ZNF280D: variants seen among roughly 807,000 people sequenced by gnomAD.
The protein encoded by ZNF280D is zinc finger protein 280D.
ZNF280D carries 39 observed loss-of-function variants against 94.7 expected under a neutral mutation model. The ratio of observed to expected loss-of-function variants is 0.41; its 90% CI spans 0.32 to 0.54. The LOEUF is 0.54. Ranked by LOEUF, ZNF280D falls within the 20% of genes least tolerant of loss-of-function variation. The probability of loss-of-function intolerance (pLI) is 0.22; values close to 1 mark genes in which losing one functional copy is unlikely to be tolerated. For missense variants in ZNF280D, 1,090 were observed against 1,149.3 expected, an observed-to-expected ratio of 0.95 and a Z score of 0.75; for synonymous variants, 398 against 377.6, an observed-to-expected ratio of 1.05 and a Z score of -0.63.
chr15:56,642,213 T>C (rs775224151), intron 20 of ZNF280D, among the ~76,000 whole-genome samples: 10 of 151,838 alleles, frequency 6.6e-5, no homozygotes, highest in Non-Finnish European at 1.5e-4. Context: ...AAATTTGTAG[T>C]TGAAAAACTT....
At chr15:56,690,251 G>A (rs373341496) in intron 7 of ZNF280D, among the ~76,000 whole-genome samples, 6 of 151,946 alleles carry the variant, frequency 3.9e-5, no homozygotes, top group South Asian at 2.1e-4. Flanking sequence ...GCGTGGTGAC[G>A]GGCACCTGTA....
chr15:56,650,768 T>C lies in ZNF280D; in HGVS notation c.2213+3430A>G, dbSNP rs572277851. Among the ~76,000 whole-genome samples the C allele has an allele frequency of 5.9e-5, 9 of 152,286 alleles. No homozygotes were observed. In the South Asian group the frequency reaches 1.7e-3, roughly 28 times the overall value. On this transcript the variant is annotated intron_variant, in intron 19 of 21. Transcript: ENST00000267807. ...TCAAACCTTTACTTCTATTTTGTTA[T>C]AATTCATCCATCCAGGTAGATATAC...
intron 16 of ZNF280D, among the ~76,000 whole-genome samples, chr15:56,664,959 AGC>A (rs2054188398): frequency 6.6e-6 from 1 of 152,174 alleles, no homozygotes; most frequent in Non-Finnish European, 1.5e-5. Flanking sequence ...AAGGAGTCAA[AGC>A]TCTGAACATC....
chr15:56,677,736 T>C (rs1241178660), intron 11 of ZNF280D, 62 bp from the exon 12 acceptor site: 2 of 591,528 alleles, frequency 3.4e-6, no homozygotes, highest in Non-Finnish European at 5.0e-6. Flanking sequence ...ATTAATTTTA[T>C]ACATCTATAT....
chr15:56,649,150 G>GTC (rs1466559357), intron 19 of ZNF280D, among the ~76,000 whole-genome samples: 3 of 152,124 alleles, frequency 2.0e-5, no homozygotes, highest in Non-Finnish European at 4.4e-5. Flanking sequence ...TTTAATGACA[G>GTC]TCTAGGACTC....
At chr15:56,728,020 A>G (rs141133031) in intron 1 of ZNF280D, among the ~76,000 whole-genome samples, 40 of 150,676 alleles carry the variant, frequency 2.7e-4, no homozygotes, top group African/African-American at 9.2e-4. Flanking sequence ...GTGTGCTAAA[A>G]TTTTACTTAA....
At chr15:56,676,380 T>C (rs1199156596) in intron 13 of ZNF280D, among the ~76,000 whole-genome samples, 1 of 152,152 alleles carries the variant, frequency 6.6e-6, no homozygotes, top group Non-Finnish European at 1.5e-5. Flanking sequence ...CCCTGAAATA[T>C]TCAATCTTTT....
At chr15:56,653,728 A>C in intron 19 of ZNF280D, 2 of 1,315,378 alleles carry the variant, frequency 1.5e-6, no homozygotes, top group Non-Finnish European at 1.9e-6. Flanking sequence ...CAGCCATATA[A>C]TTTGGAATCT....
At chr15:56,721,582 A>G (rs1204003129) in intron 1 of ZNF280D, among the ~76,000 whole-genome samples, 1 of 152,176 alleles carries the variant, frequency 6.6e-6, no homozygotes, top group Non-Finnish European at 1.5e-5. Context: ...GCTTCATCTT[A>G]TACTTTTATG....
At chr15:56,727,535 C>T (rs1285398519) in intron 1 of ZNF280D, among the ~76,000 whole-genome samples, 11 of 152,210 alleles carry the variant, frequency 7.2e-5, no homozygotes, top group African/African-American at 2.7e-4. Flanking sequence ...GCACAGAACT[C>T]TTCCAGCATC....
intron 6 of ZNF280D, chr15:56,698,109 G>C (rs1337126242): frequency 6.6e-6 from 1 of 152,106 alleles, no homozygotes; most frequent in African/African-American, 2.4e-5. Context: ...CTTTCTTAAA[G>C]GTTTGTTGCA....
intron 16 of ZNF280D, among the ~76,000 whole-genome samples, chr15:56,663,058 C>T (rs1485659893): frequency 2.0e-5 from 3 of 150,320 alleles, no homozygotes; most frequent in African/African-American, 7.3e-5. Context: ...CTAGAGTAGG[C>T]AGATCACTTA....
At chr15:56,706,217 A>G (rs479060) in intron 3 of ZNF280D, among the ~76,000 whole-genome samples, 144,360 of 145,572 alleles carry the variant, frequency 0.99, 71,597 homozygotes, top group Middle Eastern at 1. Flanking sequence ...GCTCACACCT[A>G]TAATCACAAC....
chr15:56,713,582 T>A (rs1288111897), intron 1 of ZNF280D, among the ~76,000 whole-genome samples: 1 of 152,186 alleles, frequency 6.6e-6, no homozygotes, highest in East Asian at 1.9e-4. Flanking sequence ...GGACTATCAT[T>A]TTAGAATTCC....
At chr15:56,694,333 AC>A (rs1566992866) in intron 6 of ZNF280D, among the ~76,000 whole-genome samples, 42 of 149,976 alleles carry the variant, frequency 2.8e-4, no homozygotes, top group African/African-American at 9.8e-4. Flanking sequence ...ACACACACAC[AC>A]ACACAAGTAT....
chr15:56,729,285 G>A (rs918208661), intron 1 of ZNF280D, among the ~76,000 whole-genome samples: 1 of 152,194 alleles, frequency 6.6e-6, no homozygotes, highest in Non-Finnish European at 1.5e-5. Context: ...TACAAATTTA[G>A]ACTTGGCTGA....
chr15:56,653,937 C>T, intron 19 of ZNF280D: 2 of 1,347,146 alleles, frequency 1.5e-6, no homozygotes, highest in Non-Finnish European at 1.9e-6. Flanking sequence ...ATAATGAGAG[C>T]TAGTGTCATG....
chr15:56,703,202 G>C (rs1245492016), intron 4 of ZNF280D, among the ~76,000 whole-genome samples: 1 of 152,164 alleles, frequency 6.6e-6, no homozygotes, highest in African/African-American at 2.4e-5. Flanking sequence ...AAGGTACCAA[G>C]TTGTTCTGCC....
In ZNF280D at chr15:56,689,414, C is replaced by A. The variant is rs750416887; in HGVS notation, c.556G>T (p.Val186Phe). 6 of 1,593,826 alleles carry A rather than the reference C, an allele frequency of 3.8e-6. No homozygotes were observed. In the African/African-American group the frequency reaches 8.1e-5, roughly 21 times the overall value. The part of the protein sequence containing the change: ...KRPSTSEVNN[V>F]NPKKPKPSES... ...CTGGGTTTAGGCTTCTTTGGATTAACATTATTTACTTCAGAAGTAGAAGGA... is the reference window on the plus strand; with the variant it reads ...CTGGGTTTAGGCTTCTTTGGATTAAAATTATTTACTTCAGAAGTAGAAGGA... The change falls in exon 8 of 22, where the codon GTT becomes TTT. Residue 186 changes from valine to phenylalanine, a missense_variant. By Grantham distance (50) the Val-to-Phe change is conservative (BLOSUM62 -1). Transcript: ENST00000267807.
Sources: allele counts gnomAD v4.1 joint callset (sites outside exome capture counted in the v4.1 genomes callset), GRCh38; gene constraint gnomAD v4.1.1; transcripts MANE v1.5; gene names NCBI Gene and HGNC (gene_info 2026-07-23, HGNC 2026-07-21).